The following APOL6 variants were observed in gnomAD, a reference collection of about 807,000 sequenced individuals.
APOL6 encodes apolipoprotein L, 6.
A neutral mutation model predicts 2.4 loss-of-function variants in APOL6; 1 was observed. The observed-to-expected ratio is 0.41, with a 90% CI of 0.15 to 1.94. The LOEUF is 1.94. Ranked by LOEUF, APOL6 falls within the 30% of genes most tolerant of loss-of-function variation. APOL6 has a pLI of 0.30. For missense variants in APOL6, 438 were observed against 429.2 expected (o/e 1.02, Z -0.18); for synonymous variants, 189 against 169.3 (o/e 1.12, Z -0.90).
Position 35,659,743 on chromosome 22 carries a change from A to G in APOL6, c.*147A>G, listed in dbSNP as rs947455058. 5.6e-6 allele frequency: 7 copies of G among 1,244,346 alleles called. No homozygotes were observed. Among genetic ancestry groups the G allele is most frequent in the Non-Finnish European group, 7.6e-6 (7 of 925,888 alleles). 77.1% of individuals were successfully genotyped at this position (1,244,346 alleles called of 1,614,324 possible). ...TCCTTAAGGCCTATGTGCTGGGAAA[A>G]GGGTCTTCCCTGTTTGTTTGTTTGT... On this transcript the variant is annotated 3_prime_UTR_variant, in exon 3 of 3. Coordinates refer to ENST00000409652, the MANE Select transcript of APOL6 (RefSeq NM_030641.4).
At chr22:35,654,761 G>A (rs1462221035) in intron 1 of APOL6, among the ~76,000 whole-genome samples, 1 of 152,082 alleles carries the variant, frequency 6.6e-6, no homozygotes, top group Non-Finnish European at 1.5e-5. Flanking sequence ...AATTGTGAGA[G>A]AACAGAATAA....
Position 35,659,592 on chromosome 22 carries a change from C to T in APOL6, c.1028C>T (p.Thr343Ile), listed in dbSNP as rs567305473. 8.1e-6 allele frequency: 13 copies of T among 1,598,932 alleles called. No individual in the cohort carries two copies. In the South Asian group the frequency reaches 1.2e-4, roughly 15 times the overall value. Residue 343 changes from threonine to isoleucine, a missense_variant, in exon 3 of 3, where the codon ACA becomes ATA. Coordinates refer to ENST00000409652, the MANE Select transcript of APOL6 (RefSeq NM_030641.4). ...CLCVCVYVQF[T>I] ...TGTGTCTGTGTGTATGTACAGTTTA[C>T]ATGAATGTTCCTCAGGACATGGCAT...
chr22:35,659,686 C>A lies in APOL6; in HGVS notation c.*90C>A, dbSNP rs1035683482. The A allele has an allele frequency of 6.9e-7, 1 of 1,454,758 alleles. No homozygotes were observed. The highest frequency in any genetic ancestry group is 9.1e-7 in the Non-Finnish European group (1 of 1,101,010). The allele number at this position is 1,454,758 out of a possible 1,614,324, so 90.1% of individuals were successfully genotyped here. A position where few individuals can be genotyped will look rare whatever the true frequency, so the allele number is the denominator to read the frequency against. On this transcript the variant is annotated 3_prime_UTR_variant, in exon 3 of 3. Coordinates refer to ENST00000409652, the MANE Select transcript of APOL6 (RefSeq NM_030641.4). ...GATGAGGGTGCCTGTCCTGGACAGA[C>A]CTCGGCATGCCTTCTGTTTCTCCTT...
Position 35,660,261 on chromosome 22 carries a change from T to C in APOL6, c.*665T>C, listed in dbSNP as rs1334254525. The C allele has an allele frequency of 6.6e-6, 1 of 152,306 alleles. No homozygotes were observed. 9.4% of individuals were successfully genotyped at this position (152,306 alleles called of 1,614,324 possible). A position where few individuals can be genotyped will look rare whatever the true frequency, so the allele number is the denominator to read the frequency against. On this transcript the variant is annotated 3_prime_UTR_variant, in exon 3 of 3. Transcript: ENST00000409652. ...CCTAACCCGATGGAATTGACTTCTT[T>C]ATAAGAGGAGGAGGAAATACAAGAG...
Position 35,659,447 on chromosome 22 carries a change from A to G in APOL6, c.883A>G (p.Lys295Glu), listed in dbSNP as rs202238569. The change falls in exon 3 of 3, where the codon AAA becomes GAA. Residue 295 changes from lysine (K) to glutamate (E), a missense_variant. Transcript: ENST00000409652. ...CCAGCTCTACAAGAGCTTGCAGCAG[A>G]AAGTGAGGTCAAGGGCCAGAGGGGT... Reference protein sequence around the residue: ...LTQLYKSLQQKVRSRARGVGK... With the variant: ...LTQLYKSLQQEVRSRARGVGK... 14 of 1,614,146 alleles carry G rather than the reference A, an allele frequency of 8.7e-6. No homozygotes were observed. Among genetic ancestry groups the G allele is most frequent in the Middle Eastern group, 3.3e-4 (2 of 6,062 alleles).
intron 1 of APOL6, among the ~76,000 whole-genome samples, chr22:35,655,203 T>C (rs1372273639): frequency 6.6e-6 from 1 of 152,182 alleles, no homozygotes; most frequent in Non-Finnish European, 1.5e-5. Context: ...ACTTAAGAGG[T>C]ACATATTAAT....
rs1195413574 is a variant in APOL6, at chr22:35,665,081, A to G, written c.*5485A>G. 1 of 151,720 alleles carries G rather than the reference A, an allele frequency of 6.6e-6. No individual in the cohort carries two copies. Among genetic ancestry groups the G allele is most frequent in the Non-Finnish European group, 1.5e-5 (1 of 67,986 alleles). 9.4% of individuals were successfully genotyped at this position (151,720 alleles called of 1,614,324 possible). ...CAAGCATGTCATGAACATTGGTGTA[A>G]GTCATGATAAGATTTTATATATATA... On this transcript the variant is annotated 3_prime_UTR_variant, in exon 3 of 3. Transcript: ENST00000409652.
chr22:35,652,454 G>A (rs1924723482), intron 1 of APOL6, among the ~76,000 whole-genome samples: 1 of 152,134 alleles, frequency 6.6e-6, no homozygotes, highest in Admixed American at 6.5e-5. Flanking sequence ...TGGTGTTTTA[G>A]ACATGAAGTC....
chr22:35,650,911 C>G lies in APOL6; in HGVS notation c.-48+2288C>G, dbSNP rs1924671117. 2.1e-5 allele frequency among the ~76,000 whole-genome samples: 3 copies of G among 145,558 alleles called. No homozygotes were observed. In the South Asian group the frequency reaches 6.5e-4, roughly 32 times the overall value. On this transcript the variant is annotated intron_variant, in intron 1 of 2. Transcript: ENST00000409652. ...TGCCATTGTACTCCAGCCCGGGCAA[C>G]AAGAGCAAAATTCAGTCTCAAAAAA... is the stretch of plus-strand genomic sequence containing the variant.
intron 1 of APOL6, among the ~76,000 whole-genome samples, chr22:35,655,770 A>T (rs1389484136): frequency 1.3e-5 from 2 of 151,986 alleles, no homozygotes; most frequent in East Asian, 3.9e-4. Flanking sequence ...GCGTATTAAC[A>T]TGTCTATTTC....
At position 35,666,035 on chromosome 22, in the gene APOL6, CT is replaced by C. The variant is rs1925172239; in HGVS notation, c.*6442del. 6.6e-6 allele frequency: 1 copy of C among 152,078 alleles called. No homozygotes were observed. The highest frequency in any genetic ancestry group is 1.5e-5 in the Non-Finnish European group (1 of 68,008). The allele number at this position is 152,078 out of a possible 1,614,324, so 9.4% of individuals were successfully genotyped here. ...CAAATGTGAAATGGTGTTTGGTTTT[CT>C]TTGGGCTGTATTTGTATAAATATGT... is the stretch of plus-strand genomic sequence containing the variant. On this transcript the variant is annotated 3_prime_UTR_variant, in exon 3 of 3. Coordinates refer to ENST00000409652, the MANE Select transcript of APOL6 (RefSeq NM_030641.4).
chr22:35,655,583 A>G (rs1053855238), intron 1 of APOL6, among the ~76,000 whole-genome samples: 4 of 152,174 alleles, frequency 2.6e-5, no homozygotes, highest in African/African-American at 9.7e-5. Context: ...ATATTTAACT[A>G]TATAAAAAAA....
chr22:35,658,599 T>C lies in APOL6; in HGVS notation c.51-16T>C, dbSNP rs780086522. 1.1e-4 allele frequency: 179 copies of C among 1,567,272 alleles called. 1 individual carries two copies. The highest frequency in any genetic ancestry group is 6.9e-4 in the Middle Eastern group (4 of 5,790). On this transcript the variant is annotated splice_polypyrimidine_tract_variant and intron_variant, in intron 2 of 2. Transcript: ENST00000409652. ...CTGGGAAGCTGAAGCAAAATCTTTATTTCATTTCTCCTCAGGGATGAGGAT... is the reference window on the plus strand; with the variant it reads ...CTGGGAAGCTGAAGCAAAATCTTTACTTCATTTCTCCTCAGGGATGAGGAT...
Position 35,659,072 on chromosome 22 carries a change from A to G in APOL6, c.508A>G (p.Ile170Val). 6.2e-7 allele frequency: 1 copy of G among 1,613,996 alleles called. No individual in the cohort carries two copies. The highest frequency in any genetic ancestry group is 8.5e-7 in the Non-Finnish European group (1 of 1,180,020). The change falls in exon 3 of 3, where the codon ATT (isoleucine) becomes GTT (valine). Residue 170 changes from isoleucine (I) to valine (V), a missense_variant. Coordinates refer to ENST00000409652, the MANE Select transcript of APOL6 (RefSeq NM_030641.4). ...KADYVTAAGK[I>V]IYNLRNTLKY... ...AGACTATGTCACAGCTGCTGGAAAG[A>G]TTATCTATAATCTTAGAAACACCTT...
chr22:35,653,299 T>G (rs1924748817), intron 1 of APOL6, among the ~76,000 whole-genome samples: 1 of 152,224 alleles, frequency 6.6e-6, no homozygotes. Context: ...GATTTTGGGC[T>G]GAGACAATGG....
Position 35,656,376 on chromosome 22 carries a change from C to G in APOL6, c.-47-3C>G. On this transcript the variant is annotated splice_polypyrimidine_tract_variant and splice_region_variant and intron_variant, in intron 1 of 2. Transcript: ENST00000409652. Reference sequence around the variant, plus strand: ...AACGTTGTTTTTCTACATTCCTGACCAGAAAATCATTTGACTCCTGGGGAC... The same window carrying G: ...AACGTTGTTTTTCTACATTCCTGACGAGAAAATCATTTGACTCCTGGGGAC... 6.2e-7 allele frequency: 1 copy of G among 1,609,984 alleles called. No individual in the cohort carries two copies. The highest frequency in any genetic ancestry group is 1.3e-5 in the African/African-American group (1 of 74,912).
chr22:35,654,114 GCCCT>G, intron 1 of APOL6, among the ~76,000 whole-genome samples: 1 of 152,280 alleles, frequency 6.6e-6, no homozygotes, highest in Non-Finnish European at 1.5e-5. Flanking sequence ...GAGTTCCCAT[GCCCT>G]CTCTGGGCAC....
rs1336750740 is a variant in APOL6, at chr22:35,664,222, G to A, written c.*4626G>A. The A allele has an allele frequency of 6.6e-6, 1 of 152,144 alleles. No homozygotes were observed. Among genetic ancestry groups the A allele is most frequent in the Non-Finnish European group, 1.5e-5 (1 of 68,038 alleles). The allele number at this position is 152,144 out of a possible 1,614,324, so 9.4% of individuals were successfully genotyped here. A position where few individuals can be genotyped will look rare whatever the true frequency, so the allele number is the denominator to read the frequency against. The stretch of plus-strand genomic sequence containing the variant: ...GAAGGTGTCAAAATTTGGCATAGGG[G>A]TTATAAAACTATAAACCCAGCCCAA... On this transcript the variant is annotated 3_prime_UTR_variant, in exon 3 of 3. Coordinates refer to ENST00000409652, the MANE Select transcript of APOL6 (RefSeq NM_030641.4).
chr22:35,657,969 ATC>A (rs1285063979), intron 2 of APOL6, among the ~76,000 whole-genome samples: 3 of 152,126 alleles, frequency 2.0e-5, no homozygotes, highest in Non-Finnish European at 2.9e-5. Context: ...GACTAATCCC[ATC>A]TGCTTGAAGG....
Sources: allele counts gnomAD v4.1 joint callset (sites outside exome capture counted in the v4.1 genomes callset), GRCh38; gene constraint gnomAD v4.1.1; transcripts MANE v1.5; gene names NCBI Gene and HGNC (gene_info 2026-07-23, HGNC 2026-07-21).